Variants in WWOX observed in about 807,000 individuals in gnomAD.
The protein encoded by WWOX is WW domain-containing oxidoreductase.
In WWOX, 69 loss-of-function variants were observed where a neutral mutation model predicts 46.2. The observed-to-expected ratio is 1.49, with a 90% CI of 1.23 to 1.82. The LOEUF is 1.82. Among genes scored for constraint, WWOX ranks in the 40% most tolerant of loss-of-function variants. The pLI, the probability that WWOX is intolerant of heterozygous loss-of-function variation, is 0.00. For synonymous variants in WWOX, 359 were observed against 202.6 expected (o/e 1.77, Z -6.56); for missense variants, 919 against 542.6 (o/e 1.69, Z -6.89).
At chr16:79,081,500 T>G (rs146020345) in intron 8 of WWOX, among the ~76,000 whole-genome samples, 7 of 152,328 alleles carry the variant, frequency 4.6e-5, no homozygotes, top group African/African-American at 1.7e-4. Context: ...TTCATGGCGA[T>G]GTGTTATAAC....
intron 8 of WWOX, among the ~76,000 whole-genome samples, chr16:78,911,539 C>G (rs530895045): frequency 1.3e-5 from 2 of 151,910 alleles, no homozygotes; most frequent in Non-Finnish European, 2.9e-5. Context: ...TGAAATAAGA[C>G]TCTTAGGAAA....
chr16:79,076,396 C>T (rs2048656914), intron 8 of WWOX, among the ~76,000 whole-genome samples: 1 of 152,212 alleles, frequency 6.6e-6, no homozygotes, highest in Admixed American at 6.5e-5. Flanking sequence ...TCACCCTTTT[C>T]CTTCATGAGA....
intron 8 of WWOX, among the ~76,000 whole-genome samples, chr16:78,886,776 G>A (rs1206934080): frequency 6.6e-6 from 1 of 151,992 alleles, no homozygotes; most frequent in African/African-American, 2.4e-5. Flanking sequence ...GAAAGGCTAT[G>A]AAATTCTGGT....
intron 8 of WWOX, among the ~76,000 whole-genome samples, chr16:78,902,301 C>T (rs998208378): frequency 5.3e-5 from 8 of 152,218 alleles, no homozygotes; most frequent in African/African-American, 1.9e-4. Context: ...ATCTCTGCAG[C>T]ATAATTGATA....
In WWOX at chr16:78,342,143, C is replaced by G. The variant is rs1471455271; in HGVS notation, c.517-44717C>G. ...GAAAATGTTCAAGAAGAAATACAAA[C>G]TATTGAAAAAGGAAGGCTGAATGCT... On this transcript the variant is annotated intron_variant, in intron 5 of 8. Transcript: ENST00000566780. Among the ~76,000 whole-genome samples, 16 of 121,170 alleles carry G rather than the reference C, an allele frequency of 1.3e-4. 5 individuals are homozygous for G. Among genetic ancestry groups the G allele is most frequent in the African/African-American group, 4.5e-4 (16 of 35,794 alleles). 79.5% of individuals were successfully genotyped at this position (121,170 alleles called of 152,430 possible).
At chr16:79,123,121 GGAA>G (rs1446911099) in intron 8 of WWOX, among the ~76,000 whole-genome samples, 2 of 152,304 alleles carry the variant, frequency 1.3e-5, no homozygotes, top group African/African-American at 4.8e-5. Flanking sequence ...TGCTGTATAA[GGAA>G]GAAGGTTTGG....
intron 8 of WWOX, among the ~76,000 whole-genome samples, chr16:78,467,921 C>G (rs921765144): frequency 2.6e-5 from 4 of 152,160 alleles, no homozygotes; most frequent in Admixed American, 2.0e-4. Flanking sequence ...GGCTTCTTTT[C>G]CACCTTTCTC....
intron 5 of WWOX, among the ~76,000 whole-genome samples, chr16:78,217,241 C>T (rs2036751616): frequency 6.6e-6 from 1 of 152,174 alleles, no homozygotes; most frequent in South Asian, 2.1e-4. Context: ...CTGATTCTTC[C>T]TAACTTCTCC....
rs184588926 is a variant in WWOX, at chr16:79,167,175, C to G, written c.1057-44433C>G. On this transcript the variant is annotated intron_variant, in intron 8 of 8. Coordinates refer to ENST00000566780, the MANE Select transcript of WWOX (RefSeq NM_016373.4). ...CAAGCTGATCTGGAACTCATGTGCTCGAGCAATCCACCCACCTCGGCCTCC... is the reference window on the plus strand; with the variant it reads ...CAAGCTGATCTGGAACTCATGTGCTGGAGCAATCCACCCACCTCGGCCTCC... Among the ~76,000 whole-genome samples the G allele has an allele frequency of 3.6e-3, 553 of 152,226 alleles. 1 individual carries two copies. The highest frequency in any genetic ancestry group is 0.013 in the African/African-American group (531 of 41,538).
chr16:78,480,027 C>T (rs1470058198), intron 8 of WWOX, among the ~76,000 whole-genome samples: 1 of 152,180 alleles, frequency 6.6e-6, no homozygotes, highest in Non-Finnish European at 1.5e-5. Flanking sequence ...GCAGTCATAC[C>T]TTCTCGAAGG....
chr16:78,779,950 G>C (rs1222544397), intron 8 of WWOX, among the ~76,000 whole-genome samples: 3 of 152,194 alleles, frequency 2.0e-5, no homozygotes, highest in Non-Finnish European at 2.9e-5. Flanking sequence ...ATAATGAAAA[G>C]CTACCAGACC....
At chr16:78,718,048 T>G (rs950728815) in intron 8 of WWOX, among the ~76,000 whole-genome samples, 4 of 123,272 alleles carry the variant, frequency 3.2e-5, no homozygotes, top group Non-Finnish European at 6.8e-5. Flanking sequence ...ACTGCAAACG[T>G]TATTTGCTTT....
chr16:78,880,998 T>C (rs1328347536), intron 8 of WWOX, among the ~76,000 whole-genome samples: 3 of 149,022 alleles, frequency 2.0e-5, no homozygotes, highest in South Asian at 2.2e-4. Flanking sequence ...TTTTCTTTTT[T>C]TTTTTTTTTT....
At chr16:78,941,767 A>T (rs1375294742) in intron 8 of WWOX, among the ~76,000 whole-genome samples, 7 of 152,196 alleles carry the variant, frequency 4.6e-5, no homozygotes, top group Admixed American at 2.6e-4. Context: ...TTATATTTTT[A>T]AAAAAGGTAT....
At chr16:78,177,637 C>G (rs1242758207) in intron 5 of WWOX, among the ~76,000 whole-genome samples, 1 of 152,160 alleles carries the variant, frequency 6.6e-6, no homozygotes. Context: ...CTCTATGAGG[C>G]CAGATCATTC....
chr16:78,473,883 T>C (rs1294400255), intron 8 of WWOX, among the ~76,000 whole-genome samples: 2 of 152,208 alleles, frequency 1.3e-5, no homozygotes, highest in African/African-American at 4.8e-5. Flanking sequence ...GCCATTCTTC[T>C]TCGCCGTTGT....
chr16:78,856,515 C>A (rs1030682027), intron 8 of WWOX, among the ~76,000 whole-genome samples: 1 of 152,082 alleles, frequency 6.6e-6, no homozygotes, highest in Non-Finnish European at 1.5e-5. Context: ...TGGTGGTACA[C>A]CCCTGTAATA....
chr16:79,111,567 A>G (rs1158526320), intron 8 of WWOX, among the ~76,000 whole-genome samples: 2 of 152,176 alleles, frequency 1.3e-5, no homozygotes, highest in African/African-American at 4.8e-5. Context: ...AAAGAGTACG[A>G]TGGGGGAATA....
intron 8 of WWOX, among the ~76,000 whole-genome samples, chr16:78,812,789 C>G (rs549782433): frequency 2.0e-5 from 3 of 152,240 alleles, no homozygotes; most frequent in Admixed American, 2.0e-4. Context: ...CACTAATTTA[C>G]AAGCCCCATA....
Sources: gnomAD v4.1 joint callset for allele counts (sites outside exome capture counted in the v4.1 genomes callset) on GRCh38, gnomAD v4.1.1 for gene constraint, MANE v1.5 for transcripts, NCBI Gene and HGNC (gene_info 2026-07-23, HGNC 2026-07-21) for gene names.